The following UTP18 variants were observed in gnomAD, a reference collection of about 807,000 sequenced individuals.
The protein encoded by UTP18 is UTP18 small subunit processome component.
Under a neutral mutation model 61.1 loss-of-function variants are expected in UTP18, and 36 were observed. That is an observed-to-expected ratio of 0.59 (90% CI 0.45 to 0.78). The LOEUF (loss-of-function observed/expected upper bound fraction) is 0.78, where lower values mean the gene tolerates loss of function less well. Ranked by LOEUF, UTP18 falls within the 30% of genes least tolerant of loss-of-function variation. The probability of loss-of-function intolerance (pLI) is 0.00; values close to 1 mark genes in which losing one functional copy is unlikely to be tolerated. For synonymous variants in UTP18, 282 were observed against 251.1 expected (o/e 1.12, Z -1.16); for missense variants, 753 against 693.9 (o/e 1.09, Z -0.96).
intron 2 of UTP18, among the ~76,000 whole-genome samples, chr17:51,264,891 C>T (rs1246130932): frequency 6.6e-6 from 1 of 152,024 alleles, no homozygotes; most frequent in African/African-American, 2.4e-5. Flanking sequence ...CCATGTTGGC[C>T]AGGCTGGTCT....
chr17:51,277,660 C>G (rs1392892920), intron 7 of UTP18, among the ~76,000 whole-genome samples: 1 of 152,188 alleles, frequency 6.6e-6, no homozygotes, highest in Non-Finnish European at 1.5e-5. Context: ...TTTCACCTCT[C>G]TGATCTTCAG....
intron 5 of UTP18, among the ~76,000 whole-genome samples, chr17:51,275,029 C>T (rs986672906): frequency 1.1e-4 from 17 of 151,576 alleles, no homozygotes; most frequent in African/African-American, 3.1e-4. Context: ...GAAACCTCAT[C>T]TCTACTGAAA....
chr17:51,276,217 C>T (rs975900879), intron 6 of UTP18, among the ~76,000 whole-genome samples: 2 of 152,120 alleles, frequency 1.3e-5, no homozygotes, highest in African/African-American at 2.4e-5. Context: ...CAAAGTCTGT[C>T]GTCACTGTTT....
chr17:51,276,814 C>T (rs1322463388), intron 6 of UTP18, among the ~76,000 whole-genome samples: 1 of 152,180 alleles, frequency 6.6e-6, no homozygotes, highest in Non-Finnish European at 1.5e-5. Flanking sequence ...TGTGGGTGGA[C>T]AAACTCAAGA....
In UTP18 at chr17:51,297,776, C is replaced by T. The variant is rs1285788702; in HGVS notation, c.*15-6C>T. The T allele has an allele frequency of 2.3e-6, 1 of 429,200 alleles. No individual in the cohort carries two copies. The highest frequency in any genetic ancestry group is 1.7e-5 in the South Asian group (1 of 58,724). The allele number at this position is 429,200 out of a possible 1,614,324, so 26.6% of individuals were successfully genotyped here. A position where few individuals can be genotyped will look rare whatever the true frequency, so the allele number is the denominator to read the frequency against. On this transcript the variant is annotated splice_polypyrimidine_tract_variant and splice_region_variant and intron_variant, in intron 13 of 13. Transcript: ENST00000225298. The stretch of plus-strand genomic sequence containing the variant: ...AGGTATGTAATTTCTTTTGTTCTTT[C>T]CTCAGGTCCAGTTGAGTCACAAGAG...
At chr17:51,276,316 A>G (rs1218918681) in intron 6 of UTP18, among the ~76,000 whole-genome samples, 1 of 152,208 alleles carries the variant, frequency 6.6e-6, no homozygotes, top group African/African-American at 2.4e-5. Context: ...ATGCACCTGT[A>G]TGACTTCAGT....
chr17:51,295,552 G>C (rs748477703), intron 12 of UTP18, among the ~76,000 whole-genome samples: 1 of 152,090 alleles, frequency 6.6e-6, no homozygotes, highest in African/African-American at 2.4e-5. Flanking sequence ...CTGTTCCATT[G>C]GTCTATATCT....
chr17:51,295,853 ATATATT>A (rs148658226), intron 12 of UTP18, among the ~76,000 whole-genome samples: 2,371 of 152,252 alleles, frequency 0.016, 28 homozygotes, highest in Middle Eastern at 0.048. Flanking sequence ...TGGGGAATAT[ATATATT>A]TTTTGGAAAG....
intron 9 of UTP18, among the ~76,000 whole-genome samples, chr17:51,281,600 G>A (rs1904927219): frequency 6.6e-6 from 1 of 152,084 alleles, no homozygotes; most frequent in Non-Finnish European, 1.5e-5. Flanking sequence ...GAGAAGTGGA[G>A]GTATCTATAA....
intron 2 of UTP18, among the ~76,000 whole-genome samples, chr17:51,265,417 C>T (rs931940344): frequency 6.6e-6 from 1 of 151,842 alleles, no homozygotes; most frequent in Non-Finnish European, 1.5e-5. Flanking sequence ...GCTCCTGCCA[C>T]CACGCTGGAC....
chr17:51,273,677 G>A (rs1020057784), intron 5 of UTP18, among the ~76,000 whole-genome samples: 3 of 150,646 alleles, frequency 2.0e-5, no homozygotes, highest in Non-Finnish European at 2.9e-5. Context: ...TTGAAGCTAC[G>A]GTGAGCTGTG....
chr17:51,260,739 C>A lies in UTP18; in HGVS notation c.155C>A (p.Ala52Asp). 6.3e-7 allele frequency: 1 copy of A among 1,587,948 alleles called. No homozygotes were observed. The highest frequency in any genetic ancestry group is 1.1e-5 in the South Asian group (1 of 88,678). The part of the protein sequence containing the change: ...PAPSSQRKPP[A>D]RPSAAAAAIA... ...CCTTCATCCCAGCGGAAACCGCCGG[C>A]CCGGCCGAGCGCGGCGGCCGCTGCG... The change falls in exon 1 of 14, where the codon GCC becomes GAC. Residue 52 changes from alanine (A) to aspartate (D), a missense_variant. Physicochemically the swap from Ala to Asp is moderately radical, Grantham distance 126. Coordinates refer to ENST00000225298, the MANE Select transcript of UTP18 (RefSeq NM_016001.3).
At position 51,293,992 on chromosome 17, in the gene UTP18, G is replaced by C; in HGVS notation, c.1593G>C (p.Pro531=). The C allele has an allele frequency of 6.2e-7, 1 of 1,610,496 alleles. No individual in the cohort carries two copies. Among genetic ancestry groups the C allele is most frequent in the Non-Finnish European group, 8.5e-7 (1 of 1,178,368 alleles). ...ISHVHTMDFS[P]RSGYFALGNE... ...ATGTTCATACCATGGATTTTTCTCCGAGAAGTGGATACTTTGCCTTGGGGA... is the reference window on the plus strand; with the variant it reads ...ATGTTCATACCATGGATTTTTCTCCCAGAAGTGGATACTTTGCCTTGGGGA... Residue 531 remains proline (P), a synonymous_variant, in exon 12 of 14, where the codon CCG becomes CCC. Coordinates refer to ENST00000225298, the MANE Select transcript of UTP18 (RefSeq NM_016001.3).
chr17:51,294,086 A>G (rs1597855629), intron 12 of UTP18, 41 bp downstream of exon 12: 1 of 1,489,620 alleles, frequency 6.7e-7, no homozygotes, highest in South Asian at 1.5e-5. Context: ...ATACCTATAA[A>G]CTACTTCTGA....
In UTP18 at chr17:51,291,460, G is replaced by C. The variant is rs556936885; in HGVS notation, c.1504-2443G>C. ...GAGATAAAGTTTAAAAATAGGTCAG[G>C]TGCAGTGGCCCACACCTTAATCCCA... On this transcript the variant is annotated intron_variant, in intron 11 of 13. Coordinates refer to ENST00000225298, the MANE Select transcript of UTP18 (RefSeq NM_016001.3). Among the ~76,000 whole-genome samples, 14 of 152,026 alleles carry C rather than the reference G, an allele frequency of 9.2e-5. No homozygotes were observed. The South Asian group carries it at 2.5e-3, about 27-fold the overall frequency.
chr17:51,260,801 C>A lies in UTP18; in HGVS notation c.217C>A (p.Arg73=). 7 of 1,582,788 alleles carry A rather than the reference C, an allele frequency of 4.4e-6. No homozygotes were observed. Among genetic ancestry groups the A allele is most frequent in the Non-Finnish European group, 6.0e-6 (7 of 1,165,958 alleles). Residue 73 remains arginine, a synonymous_variant, in exon 1 of 14, where the codon CGG becomes AGG. Coordinates refer to ENST00000225298, the MANE Select transcript of UTP18 (RefSeq NM_016001.3). ...VAAAEEERRL[R]QRNRLRLEED... ...GGCGGCGGAGGAAGAGAGACGGCTC[C>A]GGCAGCGGAACCGCCTGAGGCTGGA...
rs1237614647 is a variant in UTP18 at position 51,288,036 on chromosome 17, T to C, written c.1336T>C (p.Cys446Arg). 1 of 1,573,086 alleles carries C rather than the reference T, an allele frequency of 6.4e-7. No individual in the cohort carries two copies. The highest frequency in any genetic ancestry group is 8.6e-7 in the Non-Finnish European group (1 of 1,167,558). ...NGQYVACGSNCGVVNIYNQDS... is the reference protein window; with the variant it reads ...NGQYVACGSNRGVVNIYNQDS... Reference sequence around the variant, plus strand: ...ATCCTTTTCTCTTTGTAGTTCTAATTGTGGAGTGGTAAATATATACAATCA... The same window carrying C: ...ATCCTTTTCTCTTTGTAGTTCTAATCGTGGAGTGGTAAATATATACAATCA... Residue 446 changes from cysteine to arginine, a missense_variant, in exon 11 of 14, where the codon TGT (cysteine) becomes CGT (arginine). Physicochemically the swap from Cys to Arg is radical, Grantham distance 180. Coordinates refer to ENST00000225298, the MANE Select transcript of UTP18 (RefSeq NM_016001.3).
chr17:51,275,837 G>A (rs770398908), intron 5 of UTP18, 29 bp from the exon 6 acceptor site: 4 of 1,552,170 alleles, frequency 2.6e-6, no homozygotes, highest in Non-Finnish European at 3.5e-6. Context: ...CATTTCAATT[G>A]ATAAAATCCC....
Position 51,274,285 on chromosome 17 carries a change from C to G in UTP18, c.711+835C>G, listed in dbSNP as rs188011740. On this transcript the variant is annotated intron_variant, in intron 5 of 13. Transcript: ENST00000225298. The stretch of plus-strand genomic sequence containing the variant: ...TCTCTAAAGTGGTCTACACTATTCA[C>G]TTTCTAACTCATCACTATGTCTAGC... 1.7e-3 allele frequency among the ~76,000 whole-genome samples: 259 copies of G among 152,340 alleles called. 2 individuals are homozygous for G. Among genetic ancestry groups the G allele is most frequent in the Non-Finnish European group, 3.1e-4 (21 of 68,030 alleles).
Sources: allele counts gnomAD v4.1 joint callset (sites outside exome capture counted in the v4.1 genomes callset), GRCh38; gene constraint gnomAD v4.1.1; transcripts MANE v1.5; gene names NCBI Gene and HGNC (gene_info 2026-07-23, HGNC 2026-07-21).